PRKG1: variants seen among roughly 807,000 people sequenced by gnomAD.
The protein encoded by PRKG1 is protein kinase cGMP-dependent 1.
Under a neutral mutation model 88.1 loss-of-function variants are expected in PRKG1, and 35 were observed. That is an observed-to-expected ratio of 0.40 (90% CI 0.30 to 0.53). PRKG1 has a LOEUF of 0.53. PRKG1 is among the 20% of genes least tolerant of loss of function. The probability of loss-of-function intolerance (pLI) is 0.59; values close to 1 mark genes in which losing one functional copy is unlikely to be tolerated. For missense variants in PRKG1, 540 were observed against 839.8 expected, an observed-to-expected ratio of 0.64 and a Z score of 4.41; for synonymous variants, 303 against 292.5, an observed-to-expected ratio of 1.04 and a Z score of -0.37.
chr10:51,483,794 A>G lies in PRKG1; in HGVS notation c.592+15958A>G, dbSNP rs571848401. Among the ~76,000 whole-genome samples the G allele has an allele frequency of 2.0e-5, 3 of 152,322 alleles. No homozygotes were observed. In the South Asian group the frequency reaches 6.2e-4, roughly 32 times the overall value. ...ATTCATTACTATTTCATAAGGCTTT[A>G]TCATACTCTTTTGCAGGGTTTCAAA... On this transcript the variant is annotated intron_variant, in intron 3 of 17. Transcript: ENST00000373980.
intron 3 of PRKG1, chr10:51,697,240 CA>C (rs1325052088): frequency 7.1e-5 from 11 of 155,360 alleles, no homozygotes; most frequent in African/African-American, 7.2e-5. Context: ...AATGGTTTAC[CA>C]AAAAATGTAT....
At chr10:51,954,484 T>C (rs1843257061) in intron 5 of PRKG1, among the ~76,000 whole-genome samples, 2 of 152,220 alleles carry the variant, frequency 1.3e-5, no homozygotes, top group South Asian at 4.1e-4. Flanking sequence ...TACTTTCCTA[T>C]AAGAAACTCT....
chr10:51,438,148 A>G (rs1838992964), intron 2 of PRKG1, among the ~76,000 whole-genome samples: 2 of 151,758 alleles, frequency 1.3e-5, no homozygotes, highest in African/African-American at 4.8e-5. Flanking sequence ...CACTGGATGC[A>G]AATAATACTG....
rs530706990 is a variant in PRKG1, at chr10:52,156,115, T to A, written c.1002-5774T>A. On this transcript the variant is annotated intron_variant, in intron 8 of 17. Coordinates refer to ENST00000373980, the MANE Select transcript of PRKG1 (RefSeq NM_006258.4). ...ATCCCCATGATAGACAGGGGGATAT[T>A]ATTACAAAGCAAAGACACAGACAAA... 6.6e-5 allele frequency among the ~76,000 whole-genome samples: 10 copies of A among 152,094 alleles called. No homozygotes were observed. In the South Asian group the frequency reaches 1.7e-3, roughly 25 times the overall value.
At chr10:51,590,632 A>G (rs1488206709) in intron 3 of PRKG1, among the ~76,000 whole-genome samples, 3 of 152,202 alleles carry the variant, frequency 2.0e-5, no homozygotes, top group Admixed American at 1.3e-4. Flanking sequence ...ATGCATTAGT[A>G]AAATCAATTC....
At chr10:51,652,110 T>G (rs1319169193) in intron 3 of PRKG1, among the ~76,000 whole-genome samples, 1 of 152,182 alleles carries the variant, frequency 6.6e-6, no homozygotes, top group Non-Finnish European at 1.5e-5. Flanking sequence ...TTTTAAGAGA[T>G]ATCTTCTTCT....
chr10:51,473,213 C>A (rs1840097072), intron 3 of PRKG1, among the ~76,000 whole-genome samples: 1 of 151,742 alleles, frequency 6.6e-6, no homozygotes, highest in Admixed American at 6.6e-5. Context: ...AAATTAATTT[C>A]TTTAATAAAG....
chr10:51,183,950 C>A (rs188659254), intron 2 of PRKG1, among the ~76,000 whole-genome samples: 8 of 152,224 alleles, frequency 5.3e-5, no homozygotes, highest in African/African-American at 1.7e-4. Flanking sequence ...CTTCACTGAG[C>A]CAGTTTCAAC....
chr10:51,623,070 A>G (rs1400141686), intron 3 of PRKG1, among the ~76,000 whole-genome samples: 1 of 152,226 alleles, frequency 6.6e-6, no homozygotes, highest in Non-Finnish European at 1.5e-5. Context: ...ACATGTGAAC[A>G]TTTACAAATA....
At chr10:51,151,357 C>T (rs944683894) in intron 1 of PRKG1, among the ~76,000 whole-genome samples, 4 of 151,908 alleles carry the variant, frequency 2.6e-5, no homozygotes, top group African/African-American at 9.7e-5. Context: ...AATACTGCTA[C>T]AACCTTTATC....
chr10:52,158,151 G>A (rs920804875), intron 8 of PRKG1, among the ~76,000 whole-genome samples: 8 of 151,576 alleles, frequency 5.3e-5, no homozygotes, highest in South Asian at 2.1e-4. Flanking sequence ...AAAATGTAAC[G>A]TGTGTATGAA....
At chr10:51,238,191 AAGT>A (rs1009467404) in intron 2 of PRKG1, among the ~76,000 whole-genome samples, 2 of 152,176 alleles carry the variant, frequency 1.3e-5, no homozygotes, top group African/African-American at 4.8e-5. Context: ...TTTCACTTAT[AAGT>A]AGTAGTAGAA....
chr10:52,254,861 T>A (rs151024005), intron 10 of PRKG1, among the ~76,000 whole-genome samples: 285 of 152,156 alleles, frequency 1.9e-3, no homozygotes, highest in Non-Finnish European at 3.6e-3. Context: ...AAAGTGAAGA[T>A]CTTTTAGGCA....
At chr10:51,347,512 A>T (rs1008650565) in intron 2 of PRKG1, among the ~76,000 whole-genome samples, 2 of 152,106 alleles carry the variant, frequency 1.3e-5, no homozygotes, top group African/African-American at 4.8e-5. Context: ...TACCAGCCAG[A>T]CAGTAGTCCC....
chr10:51,137,076 G>A (rs1261294244), intron 1 of PRKG1, among the ~76,000 whole-genome samples: 3 of 151,888 alleles, frequency 2.0e-5, no homozygotes, highest in African/African-American at 7.3e-5. Context: ...TGGTAGAGAC[G>A]GGGTTTCACC....
chr10:51,135,965 T>TGGGGGAAGGGGGGA (rs1554839508), intron 1 of PRKG1, among the ~76,000 whole-genome samples: 3 of 10,864 alleles, frequency 2.8e-4, no homozygotes, highest in African/African-American at 1.3e-3. Context: ...GGGACTGTTG[T>TGGGGGAAGGGGGGA]GGGGGAAGGG....
At chr10:51,464,908 AAAGAT>A (rs1375390379) in intron 2 of PRKG1, among the ~76,000 whole-genome samples, 3 of 151,856 alleles carry the variant, frequency 2.0e-5, no homozygotes, top group African/African-American at 4.8e-5. Context: ...AAAAAAAAAA[AAAGAT>A]AAGATCAGGA....
intron 3 of PRKG1, among the ~76,000 whole-genome samples, chr10:51,736,227 G>T (rs1380876041): frequency 3.3e-5 from 5 of 151,614 alleles, no homozygotes; most frequent in African/African-American, 1.2e-4. Flanking sequence ...GTTCTCAAGT[G>T]GTGGACATAG....
chr10:51,745,097 A>G (rs1216633356), intron 3 of PRKG1, among the ~76,000 whole-genome samples: 1 of 152,220 alleles, frequency 6.6e-6, no homozygotes. Context: ...TTATCAAAAC[A>G]TTCTAAAGAT....
Sources: gnomAD v4.1 joint callset for allele counts (sites outside exome capture counted in the v4.1 genomes callset) on GRCh38, gnomAD v4.1.1 for gene constraint, MANE v1.5 for transcripts, NCBI Gene and HGNC (gene_info 2026-07-23, HGNC 2026-07-21) for gene names.